TSHZ2: variants seen among roughly 807,000 people sequenced by gnomAD.
The protein encoded by TSHZ2 is teashirt homolog 2.
TSHZ2 carries 21 observed loss-of-function variants against 74.4 expected under a neutral mutation model. The ratio of observed to expected loss-of-function variants is 0.28; its 90% CI spans 0.20 to 0.41. The LOEUF is 0.41. TSHZ2 is among the 10% of genes least tolerant of loss of function. The pLI is 1.00. For synonymous variants in TSHZ2, 540 were observed against 515.3 expected (o/e 1.05, Z -0.65); for missense variants, 1,244 against 1,293.5 (o/e 0.96, Z 0.59).
At chr20:53,464,394 G>A (rs574264933) in intron 2 of TSHZ2, among the ~76,000 whole-genome samples, 43 of 152,196 alleles carry the variant, frequency 2.8e-4, no homozygotes, top group Non-Finnish European at 4.7e-4. Context: ...AACTGTCTAG[G>A]TGGAGTTGTG....
chr20:53,309,504 T>G (rs1327828127), intron 2 of TSHZ2, among the ~76,000 whole-genome samples: 1 of 152,158 alleles, frequency 6.6e-6, no homozygotes, highest in Non-Finnish European at 1.5e-5. Flanking sequence ...AAGAAACCAC[T>G]GTACATTAGA....
intron 1 of TSHZ2, among the ~76,000 whole-genome samples, chr20:53,057,177 G>A (rs1984667814): frequency 2.0e-5 from 3 of 152,210 alleles, no homozygotes; most frequent in African/African-American, 7.2e-5. Flanking sequence ...GTGGAACTGT[G>A]AGTCTGTTAA....
intron 1 of TSHZ2, among the ~76,000 whole-genome samples, chr20:52,994,636 C>G (rs1982114888): frequency 6.6e-6 from 1 of 152,174 alleles, no homozygotes; most frequent in Non-Finnish European, 1.5e-5. Context: ...TCAGACGAAT[C>G]CTTCCTGAAC....
At chr20:53,361,248 G>A (rs1445180864) in intron 2 of TSHZ2, among the ~76,000 whole-genome samples, 1 of 152,240 alleles carries the variant, frequency 6.6e-6, no homozygotes, top group Non-Finnish European at 1.5e-5. Flanking sequence ...GAATTTAGAT[G>A]CTGGGTCAAG....
At chr20:53,375,339 C>G (rs1981622634) in intron 2 of TSHZ2, among the ~76,000 whole-genome samples, 1 of 152,194 alleles carries the variant, frequency 6.6e-6, no homozygotes, top group Non-Finnish European at 1.5e-5. Flanking sequence ...AAAAATCCTT[C>G]TAATACACAG....
chr20:53,409,215 T>C (rs563795411), intron 2 of TSHZ2, among the ~76,000 whole-genome samples: 1 of 152,070 alleles, frequency 6.6e-6, no homozygotes, highest in East Asian at 1.9e-4. Flanking sequence ...ATGGCATTTA[T>C]GTTAAATCAA....
intron 1 of TSHZ2, among the ~76,000 whole-genome samples, chr20:53,069,575 G>A (rs1985103745): frequency 6.6e-6 from 1 of 151,884 alleles, no homozygotes; most frequent in African/African-American, 2.4e-5. Context: ...AACCTAAGGG[G>A]AAACGGGTTA....
rs74177489 is a variant in TSHZ2 at position 53,340,177 on chromosome 20, C to CTTTTTTTTTTTTTTT, written c.*8+83612_*8+83613insTTTTTTTTTTTTTTT. Among the ~76,000 whole-genome samples, 89 of 94,062 alleles carry CTTTTTTTTTTTTTTT rather than the reference C, an allele frequency of 9.5e-4. 4 individuals are homozygous for CTTTTTTTTTTTTTTT. Among genetic ancestry groups the CTTTTTTTTTTTTTTT allele is most frequent in the South Asian group, 1.2e-3 (3 of 2,494 alleles). The allele number at this position is 94,062 out of a possible 152,430, so 61.7% of individuals were successfully genotyped here. On this transcript the variant is annotated intron_variant, in intron 2 of 2. Transcript: ENST00000371497. ...GGATAAAACAAGGTGACTTTTCTTT[C>CTTTTTTTTTTTTTTT]TTTTTTCTTTTTTTTTTTTTTTTGA... is the stretch of plus-strand genomic sequence containing the variant.
chr20:53,339,205 G>A (rs1980078451), intron 2 of TSHZ2, among the ~76,000 whole-genome samples: 1 of 152,160 alleles, frequency 6.6e-6, no homozygotes, highest in South Asian at 2.1e-4. Flanking sequence ...TAATCTTAGT[G>A]GCAGATACTT....
chr20:53,271,152 A>G (rs554736526), intron 2 of TSHZ2, among the ~76,000 whole-genome samples: 10 of 152,310 alleles, frequency 6.6e-5, no homozygotes, highest in Admixed American at 2.0e-4. Flanking sequence ...GGAGTTCCTG[A>G]TGCCTAGAAA....
intron 1 of TSHZ2, among the ~76,000 whole-genome samples, chr20:52,979,060 C>T (rs1001360383): frequency 1.3e-5 from 2 of 152,162 alleles, no homozygotes; most frequent in African/African-American, 4.8e-5. Context: ...GGAAGTTAGT[C>T]ATTCTAACCA....
At chr20:53,272,300 G>A (rs556064892) in intron 2 of TSHZ2, among the ~76,000 whole-genome samples, 5 of 152,188 alleles carry the variant, frequency 3.3e-5, no homozygotes, top group African/African-American at 1.2e-4. Flanking sequence ...ATGAACCACC[G>A]TGCCCGGCCG....
At chr20:53,302,375 T>A (rs1006024535) in intron 2 of TSHZ2, among the ~76,000 whole-genome samples, 1 of 152,182 alleles carries the variant, frequency 6.6e-6, no homozygotes, top group Non-Finnish European at 1.5e-5. Flanking sequence ...CATTTTGGCC[T>A]TATAAATCTG....
intron 2 of TSHZ2, among the ~76,000 whole-genome samples, chr20:53,332,890 C>A (rs1362189699): frequency 6.6e-6 from 1 of 152,210 alleles, no homozygotes; most frequent in Admixed American, 6.5e-5. Flanking sequence ...AAACCTACTG[C>A]ATCTGGTGCC....
At chr20:53,423,682 A>G (rs1353323403) in intron 2 of TSHZ2, among the ~76,000 whole-genome samples, 1 of 152,214 alleles carries the variant, frequency 6.6e-6, no homozygotes, top group Non-Finnish European at 1.5e-5. Context: ...GAGAACTTGC[A>G]CATGTCACCT....
intron 1 of TSHZ2, among the ~76,000 whole-genome samples, chr20:53,229,011 A>G (rs1372200208): frequency 1.3e-5 from 2 of 152,180 alleles, no homozygotes; most frequent in Non-Finnish European, 2.9e-5. Context: ...ATTTTGACCC[A>G]TACTCGGGAG....
In TSHZ2 at chr20:52,972,849, G is replaced by T. The variant is rs1168694135; in HGVS notation, c.-445G>T. ...GCCTTTTTTTTTTCCTTATCTTTAC[G>T]CGCGAGTGTGCCTGTGGCGCGTGTG... On this transcript the variant is annotated 5_prime_UTR_variant, in exon 1 of 3. Coordinates refer to ENST00000371497, the MANE Select transcript of TSHZ2 (RefSeq NM_173485.6). 4.9e-6 allele frequency: 1 copy of T among 205,266 alleles called. No homozygotes were observed. The highest frequency in any genetic ancestry group is 9.5e-6 in the Non-Finnish European group (1 of 105,108). 12.7% of individuals were successfully genotyped at this position (205,266 alleles called of 1,614,324 possible). A position where few individuals can be genotyped will look rare whatever the true frequency, so the allele number is the denominator to read the frequency against.
At chr20:53,138,432 A>C (rs908374390) in intron 1 of TSHZ2, among the ~76,000 whole-genome samples, 3 of 151,522 alleles carry the variant, frequency 2.0e-5, no homozygotes, top group Admixed American at 1.3e-4. Context: ...AGGTTCCTCC[A>C]AAATAGCAAA....
chr20:53,278,689 A>G (rs1266636271), intron 2 of TSHZ2, among the ~76,000 whole-genome samples: 1 of 152,184 alleles, frequency 6.6e-6, no homozygotes, highest in Non-Finnish European at 1.5e-5. Flanking sequence ...CTTATCATTT[A>G]AATATCAACT....
Sources: allele counts gnomAD v4.1 joint callset (sites outside exome capture counted in the v4.1 genomes callset), GRCh38; gene constraint gnomAD v4.1.1; transcripts MANE v1.5; gene names NCBI Gene and HGNC (gene_info 2026-07-23, HGNC 2026-07-21).